Variants in DCDC1 observed in about 807,000 individuals in gnomAD.
DCDC1 encodes doublecortin domain containing 1.
Under a neutral mutation model 178.3 loss-of-function variants are expected in DCDC1, and 200 were observed. That is an observed-to-expected ratio of 1.12 (90% CI 1.00 to 1.26). DCDC1 has a LOEUF of 1.26. Ranked by LOEUF, DCDC1 falls within the 50% of genes most tolerant of loss-of-function variation. The pLI is 0.00. For missense variants in DCDC1, 1,983 were observed against 1,749.2 expected (o/e 1.13, Z -2.38); for synonymous variants, 690 against 604.8 (o/e 1.14, Z -2.07).
chr11:31,077,456 T>C (rs545564742), intron 18 of DCDC1, among the ~76,000 whole-genome samples: 1 of 152,300 alleles, frequency 6.6e-6, no homozygotes, highest in Non-Finnish European at 1.5e-5. Context: ...TTTTATTAAT[T>C]TATTGTTTCC....
At chr11:31,107,286 T>G in intron 12 of DCDC1, among the ~76,000 whole-genome samples, 1 of 152,158 alleles carries the variant, frequency 6.6e-6, no homozygotes, top group East Asian at 1.9e-4. Flanking sequence ...TCCTCTTTGA[T>G]AAGGGTTACG....
intron 1 of DCDC1, among the ~76,000 whole-genome samples, chr11:31,344,959 G>A (rs1950739517): frequency 6.6e-6 from 1 of 152,004 alleles, no homozygotes; most frequent in Non-Finnish European, 1.5e-5. Flanking sequence ...CTTTAATCAA[G>A]AAATTATGCA....
rs753670568 is a variant in DCDC1, at chr11:30,906,667, C to T, written c.3977G>A (p.Gly1326Glu). 1.2e-6 allele frequency: 2 copies of T among 1,613,434 alleles called. No individual in the cohort carries two copies. Among genetic ancestry groups the T allele is most frequent in the African/African-American group, 1.3e-5 (1 of 74,844 alleles). Reference sequence around the variant, plus strand: ...TCCTTTCTCTGTTCTCATGGATTGTCCACAAGCCAAGCAGAGCATAGTTTT... The same window carrying T: ...TCCTTTCTCTGTTCTCATGGATTGTTCACAAGCCAAGCAGAGCATAGTTTT... ...KRKTMLCLACGQSMRTEKGLK... is the reference protein window; with the variant it reads ...KRKTMLCLACEQSMRTEKGLK... The change falls in exon 30 of 39, where the codon GGA (glycine) becomes GAA (glutamate). Residue 1326 changes from glycine to glutamate, a missense_variant. Coordinates refer to ENST00000684477, the MANE Select transcript of DCDC1 (RefSeq NM_001387274.1).
intron 8 of DCDC1, among the ~76,000 whole-genome samples, chr11:31,253,866 C>G (rs1409736194): frequency 1.3e-5 from 2 of 152,274 alleles, no homozygotes; most frequent in Admixed American, 1.3e-4. Context: ...AGGAAAAGTA[C>G]ACTTCCCACC....
intron 25 of DCDC1, among the ~76,000 whole-genome samples, chr11:30,920,033 G>A (rs889439675): frequency 5.9e-5 from 9 of 152,236 alleles, no homozygotes; most frequent in East Asian, 1.9e-4. Context: ...AGATAAGTAC[G>A]GGGCAAGTAA....
At chr11:30,881,412 T>G in intron 36 of DCDC1, 104 bp from the exon 37 acceptor site, 1 of 1,386,034 alleles carries the variant, frequency 7.2e-7, no homozygotes. Context: ...AGTTTGATTA[T>G]TTGCCCACTG....
intron 1 of DCDC1, among the ~76,000 whole-genome samples, chr11:31,362,429 T>C (rs1186756535): frequency 6.6e-6 from 1 of 152,166 alleles, no homozygotes; most frequent in East Asian, 1.9e-4. Context: ...CTGCAGCACA[T>C]CAGACAAGGT....
chr11:31,253,526 G>A (rs11031330), intron 8 of DCDC1, among the ~76,000 whole-genome samples: 49,712 of 151,710 alleles, frequency 0.33, 8,839 homozygotes, highest in East Asian at 0.63. Context: ...CAGAAATACT[G>A]TATAAACAAT....
intron 9 of DCDC1, among the ~76,000 whole-genome samples, chr11:31,184,481 T>A (rs1199458252): frequency 6.6e-6 from 1 of 152,024 alleles, no homozygotes; most frequent in Non-Finnish European, 1.5e-5. Flanking sequence ...CAAAAGAAAT[T>A]ATCATCAGAG....
chr11:31,292,164 T>C (rs1947281450), intron 6 of DCDC1, among the ~76,000 whole-genome samples: 1 of 152,138 alleles, frequency 6.6e-6, no homozygotes, highest in Non-Finnish European at 1.5e-5. Context: ...AGAAAAAACA[T>C]TTTAACAGCA....
chr11:31,011,874 G>C (rs1757135236), intron 20 of DCDC1, among the ~76,000 whole-genome samples: 2 of 152,196 alleles, frequency 1.3e-5, no homozygotes, highest in African/African-American at 4.8e-5. Context: ...TTTGTTATCT[G>C]ATACGGTTTG....
At chr11:31,245,175 T>C (rs930149803) in intron 8 of DCDC1, among the ~76,000 whole-genome samples, 1 of 151,606 alleles carries the variant, frequency 6.6e-6, no homozygotes, top group African/African-American at 2.4e-5. Context: ...CCCTCCTCTA[T>C]GCCTCCCATA....
At chr11:31,182,117 T>C (rs1968880215) in intron 9 of DCDC1, among the ~76,000 whole-genome samples, 1 of 152,154 alleles carries the variant, frequency 6.6e-6, no homozygotes, top group Admixed American at 6.5e-5. Flanking sequence ...CTACGTTTGA[T>C]TGGTATACTT....
At chr11:31,313,558 A>C (rs1948889095) in intron 3 of DCDC1, among the ~76,000 whole-genome samples, 1 of 152,068 alleles carries the variant, frequency 6.6e-6, no homozygotes, top group African/African-American at 2.4e-5. Context: ...TTTACATTAT[A>C]ATTTATTTTA....
intron 20 of DCDC1, among the ~76,000 whole-genome samples, chr11:31,037,494 G>A (rs1450957059): frequency 1.4e-5 from 2 of 147,366 alleles, no homozygotes; most frequent in South Asian, 2.1e-4. Flanking sequence ...GTGCAGTGGC[G>A]CGATCTCGGC....
rs532025610 is a variant in DCDC1 at position 30,938,941 on chromosome 11, T to A, written c.2716-6989A>T. Among the ~76,000 whole-genome samples, 141 of 63,870 alleles carry A rather than the reference T, an allele frequency of 2.2e-3. 1 individual carries two copies. Among genetic ancestry groups the A allele is most frequent in the African/African-American group, 0.022 (115 of 5,298 alleles). 41.9% of individuals were successfully genotyped at this position (63,870 alleles called of 152,430 possible). A position where few individuals can be genotyped will look rare whatever the true frequency, so the allele number is the denominator to read the frequency against. ...CTCATGTCTGAGTTTTCCTGTGTACTCAACCCCCCTTATTGGAGGTTTCTT... is the reference window on the plus strand; with the variant it reads ...CTCATGTCTGAGTTTTCCTGTGTACACAACCCCCCTTATTGGAGGTTTCTT... On this transcript the variant is annotated intron_variant, in intron 21 of 38. Transcript: ENST00000684477.
At chr11:31,046,519 T>C (rs1476528197) in intron 20 of DCDC1, among the ~76,000 whole-genome samples, 1 of 151,790 alleles carries the variant, frequency 6.6e-6, no homozygotes, top group African/African-American at 2.4e-5. Flanking sequence ...AGACATGGGT[T>C]CAATTATGCC....
At chr11:31,042,973 C>T (rs186513279) in intron 20 of DCDC1, among the ~76,000 whole-genome samples, 43 of 152,256 alleles carry the variant, frequency 2.8e-4, no homozygotes, top group African/African-American at 8.7e-4. Context: ...TGCTTCTAGG[C>T]GACTTTGTAA....
intron 9 of DCDC1, among the ~76,000 whole-genome samples, chr11:31,193,395 T>C (rs545809473): frequency 4.9e-4 from 74 of 152,154 alleles, no homozygotes; most frequent in South Asian, 2.1e-3. Context: ...AGCACCAACA[T>C]GATGCTCAAG....
Sources: allele counts gnomAD v4.1 joint callset (sites outside exome capture counted in the v4.1 genomes callset), GRCh38; gene constraint gnomAD v4.1.1; transcripts MANE v1.5; gene names NCBI Gene and HGNC (gene_info 2026-07-23, HGNC 2026-07-21).